Variants in ZNF804B observed in about 807,000 individuals in gnomAD.
ZNF804B encodes the protein zinc finger 804B.
In ZNF804B, 80 loss-of-function variants were observed where a neutral mutation model predicts 101.4. The observed-to-expected ratio is 0.79, with a 90% CI of 0.66 to 0.95. The LOEUF is 0.95. Among genes scored for constraint, ZNF804B ranks in the 40% least tolerant of loss-of-function variants. ZNF804B has a pLI of 0.00. For synonymous variants in ZNF804B, 622 were observed against 558.8 expected (o/e 1.11, Z -1.59); for missense variants, 1,673 against 1,561.9 (o/e 1.07, Z -1.20).
intron 1 of ZNF804B, among the ~76,000 whole-genome samples, chr7:89,155,973 T>C: frequency 6.6e-6 from 1 of 150,404 alleles, no homozygotes. Flanking sequence ...TGTCTCTCTC[T>C]CTTTCCTTCC....
chr7:88,922,610 CATAT>C (rs745767209), intron 1 of ZNF804B, among the ~76,000 whole-genome samples: 3 of 136,154 alleles, frequency 2.2e-5, no homozygotes, highest in Non-Finnish European at 4.8e-5. Flanking sequence ...ATTACAGATA[CATAT>C]ATATATATAT....
At chr7:89,290,474 G>A (rs1790272213) in intron 2 of ZNF804B, among the ~76,000 whole-genome samples, 1 of 152,104 alleles carries the variant, frequency 6.6e-6, no homozygotes, top group South Asian at 2.1e-4. Flanking sequence ...TGGAGCCAGA[G>A]AGCAGCCCAA....
intron 1 of ZNF804B, among the ~76,000 whole-genome samples, chr7:89,215,973 C>T (rs187671906): frequency 2.6e-5 from 4 of 151,924 alleles, no homozygotes; most frequent in Non-Finnish European, 5.9e-5. Context: ...TCAATCCAGT[C>T]CCTGTGATTA....
At chr7:88,815,101 G>C (rs1240488801) in intron 1 of ZNF804B, among the ~76,000 whole-genome samples, 1 of 147,860 alleles carries the variant, frequency 6.8e-6, no homozygotes, top group Non-Finnish European at 1.5e-5. Flanking sequence ...TATGTATTAT[G>C]TATATTCTCA....
intron 1 of ZNF804B, among the ~76,000 whole-genome samples, chr7:88,762,710 T>C (rs1789917270): frequency 6.6e-6 from 1 of 152,084 alleles, no homozygotes; most frequent in Non-Finnish European, 1.5e-5. Context: ...CTTTTTTTTT[T>C]TTTCAAATTT....
At chr7:88,908,538 T>G (rs1272334539) in intron 1 of ZNF804B, among the ~76,000 whole-genome samples, 1 of 151,898 alleles carries the variant, frequency 6.6e-6, no homozygotes, top group Non-Finnish European at 1.5e-5. Flanking sequence ...GTTTACATAT[T>G]CATGCATCAT....
At chr7:89,118,166 A>C (rs187245574) in intron 1 of ZNF804B, among the ~76,000 whole-genome samples, 3 of 152,302 alleles carry the variant, frequency 2.0e-5, no homozygotes. Context: ...AACTTATGCT[A>C]AACTCATAAT....
chr7:89,131,475 G>A (rs943543022), intron 1 of ZNF804B, among the ~76,000 whole-genome samples: 7 of 151,924 alleles, frequency 4.6e-5, no homozygotes, highest in South Asian at 2.1e-4. Context: ...AACATGGACC[G>A]ATGTTGGTTG....
rs910506357 is a variant in ZNF804B, at chr7:89,289,573, C to T, written c.250-37771C>T. Among the ~76,000 whole-genome samples the T allele has an allele frequency of 2.0e-5, 3 of 152,102 alleles. No homozygotes were observed. The East Asian group carries it at 5.8e-4, about 29-fold the overall frequency. Reference sequence around the variant, plus strand: ...GAGGGAGAGTGCAGTCATTGAGAGACATTGCATTAAGCTCAGTGCTGCCCT... The same window carrying T: ...GAGGGAGAGTGCAGTCATTGAGAGATATTGCATTAAGCTCAGTGCTGCCCT... On this transcript the variant is annotated intron_variant, in intron 2 of 3. Coordinates refer to ENST00000333190, the MANE Select transcript of ZNF804B (RefSeq NM_181646.5).
At chr7:88,830,985 T>C (rs539488063) in intron 1 of ZNF804B, among the ~76,000 whole-genome samples, 11 of 152,082 alleles carry the variant, frequency 7.2e-5, no homozygotes, top group African/African-American at 2.4e-4. Flanking sequence ...TTGTGATATA[T>C]GTTGCAAATA....
intron 1 of ZNF804B, among the ~76,000 whole-genome samples, chr7:89,118,991 A>G (rs2116363199): frequency 6.6e-6 from 1 of 152,298 alleles, no homozygotes; most frequent in African/African-American, 2.4e-5. Flanking sequence ...TCTAGGTCAA[A>G]GTCAGATTTT....
At chr7:89,187,256 CTAACA>C (rs1402622933) in intron 1 of ZNF804B, among the ~76,000 whole-genome samples, 2 of 152,032 alleles carry the variant, frequency 1.3e-5, no homozygotes, top group Non-Finnish European at 2.9e-5. Flanking sequence ...TCTTTTGTTT[CTAACA>C]TAGAAACTCA....
At chr7:88,866,959 T>C (rs1032534142) in intron 1 of ZNF804B, among the ~76,000 whole-genome samples, 1 of 152,116 alleles carries the variant, frequency 6.6e-6, no homozygotes, top group Admixed American at 6.6e-5. Context: ...TCTGTGAAAG[T>C]AGAACATTAT....
At chr7:88,975,832 C>A (rs1389314605) in intron 1 of ZNF804B, among the ~76,000 whole-genome samples, 1 of 151,374 alleles carries the variant, frequency 6.6e-6, no homozygotes, top group Non-Finnish European at 1.5e-5. Context: ...AGTAATACCC[C>A]CAAAGTGCAT....
Position 89,010,521 on chromosome 7 carries a change from T to G in ZNF804B, c.109-207634T>G, listed in dbSNP as rs1480933898. ...AGGGTTCCTAAAGCAAGTAAAAATT[T>G]AGAAACTTGAGAAGCTTCCATACTA... On this transcript the variant is annotated intron_variant, in intron 1 of 3. Coordinates refer to ENST00000333190, the MANE Select transcript of ZNF804B (RefSeq NM_181646.5). Among the ~76,000 whole-genome samples, 4 of 152,190 alleles carry G rather than the reference T, an allele frequency of 2.6e-5. No homozygotes were observed. The East Asian group carries it at 7.7e-4, about 29-fold the overall frequency.
chr7:89,309,591 C>G (rs554191835), intron 2 of ZNF804B, among the ~76,000 whole-genome samples: 5 of 151,800 alleles, frequency 3.3e-5, no homozygotes, highest in Admixed American at 1.3e-4. Flanking sequence ...AAAACCCCAT[C>G]TCTACTAAAA....
At chr7:89,077,403 T>A (rs552323664) in intron 1 of ZNF804B, among the ~76,000 whole-genome samples, 1 of 152,184 alleles carries the variant, frequency 6.6e-6, no homozygotes, top group African/African-American at 2.4e-5. Context: ...TAAAATCACT[T>A]ACAAAAATTA....
At position 88,913,181 on chromosome 7, in the gene ZNF804B, ACTTT is replaced by A. The variant is rs1792575126; in HGVS notation, c.108+153098_108+153101del. On this transcript the variant is annotated intron_variant, in intron 1 of 3. Transcript: ENST00000333190. ...ATATATTCTCATTTATTTAATTTTC[ACTTT>A]GCTGTATGATTCCTACCAGTTAAGA... 3.3e-5 allele frequency among the ~76,000 whole-genome samples: 5 copies of A among 152,228 alleles called. No homozygotes were observed. In the South Asian group the frequency reaches 1.0e-3, roughly 32 times the overall value.
intron 1 of ZNF804B, among the ~76,000 whole-genome samples, chr7:88,851,910 G>A (rs1791455510): frequency 6.6e-6 from 1 of 152,068 alleles, no homozygotes; most frequent in Non-Finnish European, 1.5e-5. Context: ...ATAGCATTGA[G>A]TACCATGTGA....
Sources: allele counts gnomAD v4.1 joint callset (sites outside exome capture counted in the v4.1 genomes callset), GRCh38; gene constraint gnomAD v4.1.1; transcripts MANE v1.5; gene names NCBI Gene and HGNC (gene_info 2026-07-23, HGNC 2026-07-21).